Variants in RASA2 observed in about 807,000 individuals in gnomAD.
RASA2 encodes the protein ras GTPase-activating protein 2.
RASA2 carries 155 observed loss-of-function variants against 118.2 expected under a neutral mutation model. The observed-to-expected ratio is 1.31, with a 90% CI of 1.15 to 1.50. The LOEUF is 1.50. Ranked by LOEUF, RASA2 falls within the 40% of genes most tolerant of loss-of-function variation. The probability of loss-of-function intolerance (pLI) is 0.00; values close to 1 mark genes in which losing one functional copy is unlikely to be tolerated. For synonymous variants in RASA2, 353 were observed against 349.1 expected, an observed-to-expected ratio of 1.01 and a Z score of -0.12; for missense variants, 1,016 against 1,009.6, an observed-to-expected ratio of 1.01 and a Z score of -0.09.
chr3:141,521,878 T>A (rs2082116272), intron 3 of RASA2, among the ~76,000 whole-genome samples: 1 of 151,666 alleles, frequency 6.6e-6, no homozygotes, highest in Non-Finnish European at 1.5e-5. Flanking sequence ...CATTTTCTTT[T>A]GTCATTAACA....
intron 13 of RASA2, among the ~76,000 whole-genome samples, chr3:141,573,692 C>T (rs1027196722): frequency 3.9e-5 from 6 of 152,188 alleles, no homozygotes; most frequent in African/African-American, 1.4e-4. Context: ...ATTTTATTCC[C>T]TCTTGCTTCT....
At chr3:141,592,115 C>CA in intron 19 of RASA2, among the ~76,000 whole-genome samples, 1 of 151,658 alleles carries the variant, frequency 6.6e-6, no homozygotes, top group Admixed American at 6.6e-5. Flanking sequence ...ATCAGATGAA[C>CA]AAAAAAGAAG....
At chr3:141,609,368 G>A in intron 21 of RASA2, 52 bp from the exon 22 acceptor site, 1 of 1,170,888 alleles carries the variant, frequency 8.5e-7, no homozygotes, top group East Asian at 2.9e-5. Context: ...TCCTTGGCAT[G>A]TTAACAAAAT....
chr3:141,612,539 AC>A lies in RASA2; in HGVS notation c.*228del. The stretch of plus-strand genomic sequence containing the variant: ...CCAAGATTCCCTTCATACCTGTGTG[AC>A]CAAATCCATGTTTCTGCAACTTCTT... On this transcript the variant is annotated 3_prime_UTR_variant, in exon 24 of 24. Coordinates refer to ENST00000286364, the MANE Select transcript of RASA2 (RefSeq NM_006506.5). The A allele has an allele frequency of 2.5e-6, 1 of 398,212 alleles. No individual in the cohort carries two copies. The highest frequency in any genetic ancestry group is 4.6e-6 in the Non-Finnish European group (1 of 218,696). The allele number at this position is 398,212 out of a possible 1,614,324, so 24.7% of individuals were successfully genotyped here.
chr3:141,612,324 A>G lies in RASA2; in HGVS notation c.*11A>G, dbSNP rs773107432. 26 of 1,575,664 alleles carry G rather than the reference A, an allele frequency of 1.7e-5. No homozygotes were observed. The highest frequency in any genetic ancestry group is 2.1e-5 in the Non-Finnish European group (24 of 1,152,152). ...GGGAAAGCATCTTAGAGTTTAACAGATTGGTTCAGAAGAACTGGAAAATAT... is the reference window on the plus strand; with the variant it reads ...GGGAAAGCATCTTAGAGTTTAACAGGTTGGTTCAGAAGAACTGGAAAATAT... On this transcript the variant is annotated 3_prime_UTR_variant, in exon 24 of 24. Coordinates refer to ENST00000286364, the MANE Select transcript of RASA2 (RefSeq NM_006506.5).
chr3:141,529,864 A>G lies in RASA2; in HGVS notation c.450+62A>G, dbSNP rs150505648. The G allele has an allele frequency of 2.1e-4, 269 of 1,269,980 alleles. No homozygotes were observed. The African/African-American group carries it at 3.7e-3, about 18-fold the overall frequency. 78.7% of individuals were successfully genotyped at this position (1,269,980 alleles called of 1,614,324 possible). ...ACAGGAAATGAGTAAAAAATGAACT[A>G]ATTAAACTGGTTCATGTAAATAGAG... is the stretch of plus-strand genomic sequence containing the variant. On this transcript the variant is annotated intron_variant, in intron 4 of 23. Transcript: ENST00000286364.
chr3:141,512,146 A>C lies in RASA2; in HGVS notation c.134-17A>C. 6.5e-7 allele frequency: 1 copy of C among 1,542,986 alleles called. No homozygotes were observed. Among genetic ancestry groups the C allele is most frequent in the Non-Finnish European group, 8.9e-7 (1 of 1,119,726 alleles). ...GTTGATGATATTTAATAACAATTTT[A>C]AATTTTATGCCAACAGGTGAAGCAA... On this transcript the variant is annotated splice_polypyrimidine_tract_variant and intron_variant, in intron 1 of 23. Transcript: ENST00000286364.
chr3:141,597,079 A>G (rs1175968846), intron 19 of RASA2, among the ~76,000 whole-genome samples: 1 of 152,140 alleles, frequency 6.6e-6, no homozygotes, highest in African/African-American at 2.4e-5. Context: ...GGTAAATAAA[A>G]TATGATATAT....
chr3:141,530,292 C>T (rs1176273561), intron 4 of RASA2, among the ~76,000 whole-genome samples: 1 of 151,990 alleles, frequency 6.6e-6, no homozygotes, highest in African/African-American at 2.4e-5. Context: ...GTTCACCTCG[C>T]TTTTTATTTG....
At chr3:141,489,127 T>C (rs2081610718) in intron 1 of RASA2, among the ~76,000 whole-genome samples, 1 of 152,256 alleles carries the variant, frequency 6.6e-6, no homozygotes, top group African/African-American at 2.4e-5. Context: ...ATGATATTAC[T>C]GCTTTAACCA....
chr3:141,555,591 G>T (rs532614966), intron 6 of RASA2, among the ~76,000 whole-genome samples: 9 of 151,382 alleles, frequency 5.9e-5, no homozygotes, highest in African/African-American at 2.2e-4. Context: ...CCTGAAAAAG[G>T]TTGGCAATCT....
intron 15 of RASA2, among the ~76,000 whole-genome samples, chr3:141,577,860 C>CA (rs1283797888): frequency 1.3e-5 from 2 of 152,086 alleles, no homozygotes; most frequent in South Asian, 2.1e-4. Flanking sequence ...GTTTAATTAC[C>CA]AAAAATCTAA....
intron 9 of RASA2, among the ~76,000 whole-genome samples, chr3:141,568,809 T>C (rs1188197089): frequency 6.6e-6 from 1 of 152,090 alleles, no homozygotes; most frequent in Non-Finnish European, 1.5e-5. Flanking sequence ...TTTGGAGTTA[T>C]TTCTGAAAAT....
chr3:141,580,519 C>T (rs2083095411), intron 16 of RASA2, 68 bp downstream of exon 16: 6 of 1,168,906 alleles, frequency 5.1e-6, no homozygotes, highest in Admixed American at 4.4e-5. Context: ...GATCCCTTAT[C>T]CTTGACTTAC....
chr3:141,498,035 G>A (rs191529503), intron 1 of RASA2, among the ~76,000 whole-genome samples: 4 of 152,304 alleles, frequency 2.6e-5, no homozygotes, highest in East Asian at 1.9e-4. Flanking sequence ...TATGACATTT[G>A]TGTGAGTGGT....
chr3:141,497,249 CA>C, intron 1 of RASA2, among the ~76,000 whole-genome samples: 1 of 149,934 alleles, frequency 6.7e-6, no homozygotes, highest in East Asian at 2.0e-4. Flanking sequence ...TGCAGCACAC[CA>C]ATATGGCACA....
In RASA2 at chr3:141,573,776, G is replaced by A. The variant is rs1493209; in HGVS notation, c.1360-168G>A. 0.43 allele frequency among the ~76,000 whole-genome samples: 64,974 copies of A among 152,022 alleles called. 14,314 individuals are homozygous for A. Among genetic ancestry groups the A allele is most frequent in the African/African-American group, 0.53 (22,119 of 41,418 alleles). On this transcript the variant is annotated intron_variant, in intron 13 of 23. Transcript: ENST00000286364. ...TTAATTTATTAAATTAAGTCAGTAT[G>A]TAAATTGTCCTTAAACTGAATGAGT...
At chr3:141,559,007 A>G (rs547589832) in intron 8 of RASA2, 45 bp downstream of exon 8, 12 of 1,483,898 alleles carry the variant, frequency 8.1e-6, no homozygotes, top group Admixed American at 1.9e-5. Flanking sequence ...TGTATACCAA[A>G]AGAAAATCCT....
Position 141,570,921 on chromosome 3 carries a change from A to G in RASA2, c.873A>G (p.Leu291=), listed in dbSNP as rs765142312. The change falls in exon 10 of 24, where the codon CTA becomes CTG. Residue 291 remains leucine (L), a synonymous_variant. Transcript: ENST00000286364. ...TDSSHQAWYL[L]QPRDNGNKSS... is the part of the protein sequence containing the mutation. ...TATATTTTTACTTTAGGTACTTGCT[A>G]CAGCCAAGAGACAATGGAAACAAGT... is the stretch of plus-strand genomic sequence containing the variant. The G allele has an allele frequency of 3.1e-6, 5 of 1,604,414 alleles. No homozygotes were observed. The highest frequency in any genetic ancestry group is 1.1e-5 in the South Asian group (1 of 88,660).
Sources: gnomAD v4.1 joint callset for allele counts (sites outside exome capture counted in the v4.1 genomes callset) on GRCh38, gnomAD v4.1.1 for gene constraint, MANE v1.5 for transcripts, NCBI Gene and HGNC (gene_info 2026-07-23, HGNC 2026-07-21) for gene names.